Variants in BIRC6 observed in about 807,000 individuals in gnomAD.
The protein encoded by BIRC6 is dual E2 ubiquitin-conjugating enzyme/E3 ubiquitin-protein ligase BIRC6.
In BIRC6, 98 loss-of-function variants were observed where a neutral mutation model predicts 503.3. The ratio of observed to expected loss-of-function variants is 0.19; its 90% CI spans 0.17 to 0.23. BIRC6 has a LOEUF of 0.23. BIRC6 is among the 10% of genes least tolerant of loss of function. The pLI, the probability that BIRC6 is intolerant of heterozygous loss-of-function variation, is 1.00. For missense variants in BIRC6, 5,360 were observed against 5,806.0 expected (o/e 0.92, Z 2.50); for synonymous variants, 2,240 against 2,078.7 (o/e 1.08, Z -2.11).
chr2:32,538,767 C>G (rs2057434447), intron 61 of BIRC6, among the ~76,000 whole-genome samples: 1 of 152,140 alleles, frequency 6.6e-6, no homozygotes, highest in African/African-American at 2.4e-5. Context: ...CCTGCCTCTA[C>G]TAAAAAATAT....
chr2:32,489,456 C>A (rs958603927), intron 42 of BIRC6, among the ~76,000 whole-genome samples: 1 of 151,398 alleles, frequency 6.6e-6, no homozygotes, highest in African/African-American at 2.4e-5. Flanking sequence ...AATTTGTTTT[C>A]ATCTGTTTTT....
At chr2:32,527,099 A>C (rs1337051943) in intron 59 of BIRC6, 2 of 152,250 alleles carry the variant, frequency 1.3e-5, no homozygotes, top group Non-Finnish European at 2.9e-5. Flanking sequence ...TGCAACTGGC[A>C]TACATAAGTA....
chr2:32,418,914 C>T (rs2042655153), intron 10 of BIRC6, among the ~76,000 whole-genome samples: 2 of 152,166 alleles, frequency 1.3e-5, no homozygotes, highest in Non-Finnish European at 2.9e-5. Flanking sequence ...CGTCACTTCA[C>T]TCCAGCCTAG....
intron 6 of BIRC6, among the ~76,000 whole-genome samples, chr2:32,398,535 AT>A (rs1344041823): frequency 2.0e-5 from 3 of 152,200 alleles, no homozygotes; most frequent in Non-Finnish European, 1.5e-5. Context: ...CCTGTATTTT[AT>A]TTTTAAAATT....
rs759747634 is a variant in BIRC6, at chr2:32,468,060, T to C, written c.5729T>C (p.Ile1910Thr). Reference sequence around the variant, plus strand: ...GGAGAATCTGCAAACCAGCCAGAAATTGACCAGCATTTAGCAATGATGGTT... The same window carrying C: ...GGAGAATCTGCAAACCAGCCAGAAACTGACCAGCATTTAGCAATGATGGTT... ...GEGESANQPE[I>T]DQHLAMMVAL... The change falls in exon 28 of 74, where the codon ATT (isoleucine) becomes ACT (threonine). Residue 1910 changes from isoleucine to threonine, a missense_variant. Around this residue, in one of 16 missense-constraint regions of BIRC6, gnomAD observed 2,299 missense variants for 2,267.2 expected, o/e 1.01. Transcript: ENST00000421745. 1.9e-6 allele frequency: 3 copies of C among 1,613,886 alleles called. No individual in the cohort carries two copies. The South Asian group carries it at 3.3e-5, about 18-fold the overall frequency.
intron 23 of BIRC6, among the ~76,000 whole-genome samples, chr2:32,459,206 C>G (rs1334874378): frequency 6.6e-6 from 1 of 152,186 alleles, no homozygotes; most frequent in African/African-American, 2.4e-5. Flanking sequence ...CCATTCCCCC[C>G]AAACCCTTCC....
At chr2:32,604,246 T>C (rs1478126456) in intron 71 of BIRC6, among the ~76,000 whole-genome samples, 1 of 152,194 alleles carries the variant, frequency 6.6e-6, no homozygotes, top group Non-Finnish European at 1.5e-5. Context: ...ACTTCAAATA[T>C]TGTACACTGT....
At chr2:32,503,347 T>A in intron 49 of BIRC6, 111 bp downstream of exon 49, 2 of 851,360 alleles carry the variant, frequency 2.3e-6, no homozygotes, top group Non-Finnish European at 3.6e-6. Context: ...ACTATTTTAA[T>A]TACAAACAGT....
chr2:32,584,695 T>A (rs1450647851), intron 66 of BIRC6, among the ~76,000 whole-genome samples: 2 of 152,322 alleles, frequency 1.3e-5, no homozygotes, highest in East Asian at 3.9e-4. Flanking sequence ...TTCTTTTTAA[T>A]TTATTTGCCT....
Position 32,602,987 on chromosome 2 carries a change from T to C in BIRC6, c.13993-19T>C. The C allele has an allele frequency of 1.3e-6, 2 of 1,593,128 alleles. No homozygotes were observed. Among genetic ancestry groups the C allele is most frequent in the South Asian group, 1.2e-5 (1 of 86,634 alleles). ...AGCACTCTTTTTTCAATTCTGTTTA[T>C]GCTTTTTTCGTTCGTCAGGTTTGTT... On this transcript the variant is annotated intron_variant, in intron 70 of 73. Coordinates refer to ENST00000421745, the MANE Select transcript of BIRC6 (RefSeq NM_016252.4).
intron 22 of BIRC6, 125 bp downstream of exon 22, chr2:32,449,053 CAT>C: frequency 1.2e-6 from 1 of 811,238 alleles, no homozygotes; most frequent in Non-Finnish European, 1.8e-6. Flanking sequence ...TAGAACTTAT[CAT>C]ATGAATTATT....
At chr2:32,445,786 T>C in intron 21 of BIRC6, 118 bp downstream of exon 21, 1 of 743,194 alleles carries the variant, frequency 1.3e-6, no homozygotes, top group Non-Finnish European at 1.9e-6. Context: ...CAAAAATGTT[T>C]AGTTTATACC....
Position 32,543,330 on chromosome 2 carries a change from G to T in BIRC6, c.12381G>T (p.Glu4127Asp), listed in dbSNP as rs747859291. The change falls in exon 62 of 74, where the codon GAG becomes GAT. Residue 4127 changes from glutamate (E) to aspartate (D), a missense_variant. By Grantham distance (45) the Glu-to-Asp change is conservative. This residue lies in a region of BIRC6 where 477 missense variants were observed against 574.4 expected (regional missense o/e 0.83). Transcript: ENST00000421745. ...GGGTGACCATTGAACAGTCAGGGGA[G>T]TTAGTTTATGAAGCACCAGAAACTG... ...FEWVTIEQSG[E>D]LVYEAPETVA... The T allele has an allele frequency of 1.9e-6, 3 of 1,613,870 alleles. No homozygotes were observed. Among genetic ancestry groups the T allele is most frequent in the South Asian group, 2.2e-5 (2 of 91,086 alleles).
At chr2:32,590,907 C>CA in intron 66 of BIRC6, 2 of 985,838 alleles carry the variant, frequency 2.0e-6, no homozygotes, top group Non-Finnish European at 2.4e-6. Flanking sequence ...TTGTCAGTCT[C>CA]AAAGACCTAC....
chr2:32,596,506 C>T (rs999666849), intron 68 of BIRC6, among the ~76,000 whole-genome samples: 20 of 150,994 alleles, frequency 1.3e-4, no homozygotes, highest in African/African-American at 4.6e-4. Context: ...CCTTTATTAT[C>T]TCACTCTTTA....
intron 21 of BIRC6, among the ~76,000 whole-genome samples, chr2:32,447,745 G>C (rs550780350): frequency 2.4e-5 from 1 of 40,992 alleles, no homozygotes; most frequent in African/African-American, 1.2e-4. Flanking sequence ...GACTGGCCGG[G>C]CAGAGGGGCT....
intron 62 of BIRC6, 78 bp downstream of exon 62, chr2:32,543,619 C>A: frequency 2.2e-6 from 3 of 1,367,372 alleles, no homozygotes; most frequent in Admixed American, 2.1e-5. Context: ...GCCTATTATT[C>A]ATCATTTATT....
Position 32,466,872 on chromosome 2 carries a change from C to T in BIRC6, c.5357-653C>T, listed in dbSNP as rs558936543. On this transcript the variant is annotated intron_variant, in intron 26 of 73. Transcript: ENST00000421745. ...CGGTGGCTCATGCCTGTAATCCCAG[C>T]GCTTTGGGAGGCCGAGGCGGGTGGA... Among the ~76,000 whole-genome samples, 8 of 152,068 alleles carry T rather than the reference C, an allele frequency of 5.3e-5. No individual in the cohort carries two copies. In the South Asian group the frequency reaches 1.0e-3, roughly 20 times the overall value.
chr2:32,506,944 C>A (rs1400865977), intron 50 of BIRC6, among the ~76,000 whole-genome samples: 1 of 152,022 alleles, frequency 6.6e-6, no homozygotes, highest in Non-Finnish European at 1.5e-5. Flanking sequence ...GTAAAGCTGG[C>A]ATGTAATTCC....
Sources: allele counts gnomAD v4.1 joint callset (sites outside exome capture counted in the v4.1 genomes callset), GRCh38; gene constraint gnomAD v4.1.1; regional missense constraint gnomAD v4.1.1; transcripts MANE v1.5; gene names NCBI Gene and HGNC (gene_info 2026-07-23, HGNC 2026-07-21).